Variants in PLAUR observed in about 807,000 individuals in gnomAD.
PLAUR encodes plasminogen activator, urokinase receptor.
A neutral mutation model predicts 33.4 loss-of-function variants in PLAUR; 22 were observed. That is an observed-to-expected ratio of 0.66 (90% CI 0.47 to 0.94). PLAUR has a LOEUF of 0.94. PLAUR is among the 40% of genes least tolerant of loss of function. The pLI, the probability that PLAUR is intolerant of heterozygous loss-of-function variation, is 0.00. For synonymous variants in PLAUR, 148 were observed against 167.3 expected (o/e 0.88, Z 0.89); for missense variants, 408 against 434.7 (o/e 0.94, Z 0.55).
Position 43,652,384 on chromosome 19 carries a change from C to CCAGAGACA in PLAUR, c.608-21_608-14dup. On this transcript the variant is annotated splice_polypyrimidine_tract_variant and intron_variant, in intron 5 of 6. Transcript: ENST00000340093. ...TCAAGCTCCAGGACTTAGGAGAAGA[C>CCAGAGACA]CAGAGACACAGAGACCAAGAAAATT... The CCAGAGACA allele has an allele frequency of 1.2e-6, 2 of 1,612,796 alleles. No homozygotes were observed. The highest frequency in any genetic ancestry group is 1.7e-6 in the Non-Finnish European group (2 of 1,179,000).
In PLAUR at chr19:43,666,714, C is replaced by A. The variant is rs140436693; in HGVS notation, c.166+867G>T. ...TCCCGAGTAGCTGGGATAACTGGTGCCTGCCACCAAGCCCGGCTAATTTTT... is the reference window on the plus strand; with the variant it reads ...TCCCGAGTAGCTGGGATAACTGGTGACTGCCACCAAGCCCGGCTAATTTTT... On this transcript the variant is annotated intron_variant, in intron 2 of 6. Coordinates refer to ENST00000340093, the MANE Select transcript of PLAUR (RefSeq NM_002659.4). 6.4e-3 allele frequency among the ~76,000 whole-genome samples: 977 copies of A among 151,656 alleles called. 5 individuals are homozygous for A. Among genetic ancestry groups the A allele is most frequent in the Non-Finnish European group, 9.0e-3 (609 of 67,942 alleles).
At position 43,648,965 on chromosome 19, in the gene PLAUR, G is replaced by A; in HGVS notation, c.933C>T (p.Gly311=). Residue 311 remains glycine, a synonymous_variant, in exon 7 of 7, where the codon GGC becomes GGT. Transcript: ENST00000340093. ...QYRSGAAPQP[G]PAHLSLTITL... ...TGATGGTGAGGCTGAGATGGGCAGG[G>A]CCAGGCTGAGGAGCAGCCCCACTGC... 2 of 1,614,124 alleles carry A rather than the reference G, an allele frequency of 1.2e-6. No homozygotes were observed. Among genetic ancestry groups the A allele is most frequent in the Non-Finnish European group, 1.7e-6 (2 of 1,179,988 alleles).
rs1198012015 is a variant in PLAUR, at chr19:43,650,310, GT to G, written c.755-1168del. ...AGGCGTGAGCCACCGCGCCTGGCTG[GT>G]TTTTTTTTTGTTGTTTCTTTGTTTG... On this transcript the variant is annotated intron_variant, in intron 6 of 6. Coordinates refer to ENST00000340093, the MANE Select transcript of PLAUR (RefSeq NM_002659.4). Among the ~76,000 whole-genome samples the G allele has an allele frequency of 9.8e-3, 1,407 of 144,248 alleles. 25 individuals are homozygous for G. The highest frequency in any genetic ancestry group is 0.033 in the African/African-American group (1,284 of 39,394). 94.6% of individuals were successfully genotyped at this position (144,248 alleles called of 152,430 possible).
At chr19:43,656,759 C>T (rs1974232019) in intron 3 of PLAUR, 119 bp from the exon 4 acceptor site, 1 of 793,074 alleles carries the variant, frequency 1.3e-6, no homozygotes, top group Non-Finnish European at 2.0e-6. Context: ...AGTCATTGAG[C>T]CCTGCCTATT....
Position 43,651,668 on chromosome 19 carries a change from C to T in PLAUR, c.754+557G>A, listed in dbSNP as rs553038007. On this transcript the variant is annotated intron_variant, in intron 6 of 6. Transcript: ENST00000340093. ...CCAGGCTTGCTCTCATACTCCTGAC[C>T]TCAAGTGGTTCTCCTCCTCACCCTC... 5.3e-5 allele frequency: 15 copies of T among 283,174 alleles called. No homozygotes were observed. In the East Asian group the frequency reaches 2.1e-3, roughly 40 times the overall value. 17.5% of individuals were successfully genotyped at this position (283,174 alleles called of 1,614,324 possible).
At chr19:43,652,136 A>T (rs775544710) in intron 6 of PLAUR, 89 bp downstream of exon 6, 22 of 1,571,246 alleles carry the variant, frequency 1.4e-5, no homozygotes, top group Non-Finnish European at 1.9e-5. Flanking sequence ...GACCCACCAC[A>T]GTTAACTCCA....
intron 3 of PLAUR, among the ~76,000 whole-genome samples, chr19:43,658,491 C>T (rs1467532669): frequency 6.6e-6 from 1 of 152,176 alleles, no homozygotes; most frequent in African/African-American, 2.4e-5. Context: ...ATAGATAATA[C>T]ACTACCTAAT....
chr19:43,653,984 C>T (rs1182850928), intron 5 of PLAUR, among the ~76,000 whole-genome samples: 4 of 152,002 alleles, frequency 2.6e-5, no homozygotes, highest in Non-Finnish European at 5.9e-5. Flanking sequence ...ATTAGCCAGG[C>T]ATGGTGGTGG....
chr19:43,669,831 A>AAAT (rs1967447297), intron 1 of PLAUR, among the ~76,000 whole-genome samples: 1 of 151,322 alleles, frequency 6.6e-6, no homozygotes, highest in African/African-American at 2.4e-5. Context: ...AAAAAAAAAA[A>AAAT]AAGCACTCAC....
Position 43,648,768 on chromosome 19 carries a change from T to A in PLAUR, c.*122A>T. On this transcript the variant is annotated 3_prime_UTR_variant, in exon 7 of 7. Transcript: ENST00000340093. The stretch of plus-strand genomic sequence containing the variant: ...TAGCTGTTTTCATAGCTGGGAAAAC[T>A]GAGGCCCAGAGAGGTCGGCACACTG... The A allele has an allele frequency of 9.0e-7, 1 of 1,112,774 alleles. No individual in the cohort carries two copies. 68.9% of individuals were successfully genotyped at this position (1,112,774 alleles called of 1,614,324 possible).
At chr19:43,648,346 C>T (rs376809850), downstream of PLAUR, among the ~76,000 whole-genome samples, 2 of 151,986 alleles carry the variant, frequency 1.3e-5, no homozygotes, top group Admixed American at 6.6e-5. Flanking sequence ...CGGATTTAGC[C>T]GATTTTTAAT....
chr19:43,667,335 G>A (rs1337514480), intron 2 of PLAUR: 7 of 552,812 alleles, frequency 1.3e-5, no homozygotes, highest in African/African-American at 1.1e-4. Context: ...AGATATTGCC[G>A]AATCGCTCTA....
rs370963800 is a variant in PLAUR at position 43,652,381 on chromosome 19, A to G, written c.608-10T>C. On this transcript the variant is annotated splice_polypyrimidine_tract_variant and intron_variant, in intron 5 of 6. Transcript: ENST00000340093. ...TTTTCAAGCTCCAGGACTTAGGAGAAGACCAGAGACACAGAGACCAAGAAA... is the reference window on the plus strand; with the variant it reads ...TTTTCAAGCTCCAGGACTTAGGAGAGGACCAGAGACACAGAGACCAAGAAA... 4 of 1,613,212 alleles carry G rather than the reference A, an allele frequency of 2.5e-6. No homozygotes were observed. Among genetic ancestry groups the G allele is most frequent in the Non-Finnish European group, 3.4e-6 (4 of 1,179,298 alleles).
At chr19:43,668,249 G>A (rs1361934919) in intron 1 of PLAUR, 40 of 986,928 alleles carry the variant, frequency 4.1e-5, no homozygotes, top group South Asian at 9.0e-5. Context: ...GGCCCCATCA[G>A]CCCTCCGGAG....
intron 2 of PLAUR, among the ~76,000 whole-genome samples, chr19:43,666,125 C>A (rs1967232224): frequency 6.6e-6 from 1 of 151,866 alleles, no homozygotes; most frequent in East Asian, 1.9e-4. Context: ...CCAGCTGGGG[C>A]AATCATAGCT....
chr19:43,652,815 C>T (rs1974053380), intron 5 of PLAUR, among the ~76,000 whole-genome samples: 1 of 151,854 alleles, frequency 6.6e-6, no homozygotes. Flanking sequence ...CATGCCTAGC[C>T]AATTTTTCTG....
chr19:43,649,103 G>T lies in PLAUR; in HGVS notation c.795C>A (p.Thr265=), dbSNP rs4251950. 3.1e-6 allele frequency: 5 copies of T among 1,613,658 alleles called. No individual in the cohort carries two copies. Among genetic ancestry groups the T allele is most frequent in the African/African-American group, 2.7e-5 (2 of 74,926 alleles). ...NQSYMVRGCA[T]ASMCQHAHLG... ...GGTGGGCATGTTGGCACATTGAGGC[G>T]GTTGCACAGCCTCTTACCATATAGC... The change falls in exon 7 of 7, where the codon ACC becomes ACA. Residue 265 remains threonine (T), a synonymous_variant. Transcript: ENST00000340093.
chr19:43,655,314 A>T, intron 5 of PLAUR, 125 bp downstream of exon 5: 1 of 733,104 alleles, frequency 1.4e-6, no homozygotes. Context: ...TGATACTCCC[A>T]TTTTTCAGAA....
At chr19:43,657,363 C>T (rs941194437) in intron 3 of PLAUR, among the ~76,000 whole-genome samples, 2 of 152,142 alleles carry the variant, frequency 1.3e-5, no homozygotes, top group Non-Finnish European at 2.9e-5. Flanking sequence ...GGATTCAAAG[C>T]CTATCAAATA....
Sources: allele counts gnomAD v4.1 joint callset (sites outside exome capture counted in the v4.1 genomes callset), GRCh38; gene constraint gnomAD v4.1.1; transcripts MANE v1.5; gene names NCBI Gene and HGNC (gene_info 2026-07-23, HGNC 2026-07-21).